The following NEB variants were observed in gnomAD, a reference collection of about 807,000 sequenced individuals.
NEB encodes the protein nemaline myopathy type 2.
NEB carries 512 observed loss-of-function variants against 952.2 expected under a neutral mutation model. That is an observed-to-expected ratio of 0.54 (90% CI 0.50 to 0.58). The LOEUF (loss-of-function observed/expected upper bound fraction) is 0.58, where lower values mean the gene tolerates loss of function less well. Among genes scored for constraint, NEB ranks in the 20% least tolerant of loss-of-function variants. The probability of loss-of-function intolerance (pLI) is 0.00; values close to 1 mark genes in which losing one functional copy is unlikely to be tolerated. For synonymous variants in NEB, 2,900 were observed against 3,149.8 expected (o/e 0.92, Z 2.66); for missense variants, 8,428 against 9,231.1 (o/e 0.91, Z 3.56).
chr2:151,644,222 T>C, intron 56 of NEB, 93 bp from the exon 57 acceptor site: 1 of 1,491,878 alleles, frequency 6.7e-7, no homozygotes, highest in South Asian at 1.3e-5. Context: ...CTAAATATTT[T>C]ACTAAGCCTA....
intron 62 of NEB, 138 bp downstream of exon 62, chr2:151,639,719 G>A: frequency 1.4e-6 from 1 of 699,892 alleles, no homozygotes; most frequent in Non-Finnish European, 2.3e-6. Context: ...TTAATAGATA[G>A]ATGAGAAGCC....
At chr2:151,512,372 G>A (rs2075221396) in intron 161 of NEB, among the ~76,000 whole-genome samples, 1 of 150,946 alleles carries the variant, frequency 6.6e-6, no homozygotes, top group Admixed American at 6.6e-5. Flanking sequence ...CTGTCACCCA[G>A]GGGACTGCAG....
chr2:151,678,976 A>G (rs1467391800), intron 32 of NEB, among the ~76,000 whole-genome samples: 3 of 152,178 alleles, frequency 2.0e-5, no homozygotes, highest in Admixed American at 6.5e-5. Flanking sequence ...GGACTCTGGG[A>G]AGTCAAAAGG....
At chr2:151,577,319 C>T (rs1418628220) in intron 105 of NEB, among the ~76,000 whole-genome samples, 3 of 152,166 alleles carry the variant, frequency 2.0e-5, no homozygotes, top group African/African-American at 7.2e-5. Context: ...GTGTCCTGAT[C>T]ACACAGCCTG....
At chr2:151,505,399 C>T in intron 165 of NEB, 79 bp downstream of exon 165, 1 of 1,214,354 alleles carries the variant, frequency 8.2e-7, no homozygotes. Context: ...TGATAGGAAG[C>T]AGAAAGATGA....
chr2:151,545,831 A>G, intron 135 of NEB, 57 bp downstream of exon 135: 1 of 1,041,172 alleles, frequency 9.6e-7, no homozygotes, highest in South Asian at 1.4e-5. Flanking sequence ...CTTGTGGAGT[A>G]ATTCAGTTTG....
At chr2:151,647,060 CA>C (rs144003002) in intron 54 of NEB, among the ~76,000 whole-genome samples, 5,119 of 152,080 alleles carry the variant, frequency 0.034, 163 homozygotes, top group African/African-American at 0.072. Context: ...TATGTCTCTT[CA>C]ACAGAAGACA....
At chr2:151,497,546 G>A (rs2061052589) in intron 171 of NEB, 80 bp downstream of exon 171, 1 of 1,521,990 alleles carries the variant, frequency 6.6e-7, no homozygotes, top group East Asian at 2.5e-5. Flanking sequence ...TAAAAAGTAG[G>A]ATTAATACGT....
intron 92 of NEB, among the ~76,000 whole-genome samples, 178 bp from the exon 93 acceptor site, chr2:151,594,496 T>C (rs1378125802): frequency 2.0e-5 from 3 of 151,400 alleles, no homozygotes; most frequent in Non-Finnish European, 2.9e-5. Flanking sequence ...TTTTAGGTCA[T>C]TTCAGAGAGG....
Position 151,710,554 on chromosome 2 carries a change from A to G in NEB, c.823-16T>C, listed in dbSNP as rs1246104415. On this transcript the variant is annotated splice_polypyrimidine_tract_variant and intron_variant, in intron 10 of 181. Coordinates refer to ENST00000397345, the MANE Select transcript of NEB (RefSeq NM_001164508.2). ...TGTATTTTTGCTAGAAAAAAGAAAAAGAAAATAAGACAAGCATAACTCATG... is the reference window on the plus strand; with the variant it reads ...TGTATTTTTGCTAGAAAAAAGAAAAGGAAAATAAGACAAGCATAACTCATG... The G allele has an allele frequency of 6.7e-7, 1 of 1,486,478 alleles. No homozygotes were observed. Among genetic ancestry groups the G allele is most frequent in the African/African-American group, 1.4e-5 (1 of 72,186 alleles). The allele number at this position is 1,486,478 out of a possible 1,614,324, so 92.1% of individuals were successfully genotyped here.
chr2:151,628,162 C>A (rs2098561554), intron 68 of NEB, among the ~76,000 whole-genome samples: 1 of 152,302 alleles, frequency 6.6e-6, no homozygotes, highest in Admixed American at 6.5e-5. Flanking sequence ...TCCGGAAGAT[C>A]TTTCGGTACT....
Position 151,636,306 on chromosome 2 carries a change from G to C in NEB, c.9023C>G (p.Ala3008Gly). 2 of 1,608,126 alleles carry C rather than the reference G, an allele frequency of 1.2e-6. No individual in the cohort carries two copies. Among genetic ancestry groups the C allele is most frequent in the Non-Finnish European group, 1.7e-6 (2 of 1,179,608 alleles). ...ESLYKLANEEAKKKGYDLRSD... is the reference protein window; with the variant it reads ...ESLYKLANEEGKKKGYDLRSD... Reference sequence around the variant, plus strand: ...TCGCAAGTCATAGCCTTTCTTCTTTGCTTCTTCATTAGCAAGTTTGTACAG... The same window carrying C: ...TCGCAAGTCATAGCCTTTCTTCTTTCCTTCTTCATTAGCAAGTTTGTACAG... The change falls in exon 64 of 182, where the codon GCA becomes GGA. Residue 3008 changes from alanine (A) to glycine (G), a missense_variant. Physicochemically the swap from Ala to Gly is moderately conservative, Grantham distance 60. Transcript: ENST00000397345.
chr2:151,546,309 G>A (rs768142910), intron 134 of NEB, 36 bp downstream of exon 134: 49 of 1,515,078 alleles, frequency 3.2e-5, no homozygotes, highest in Middle Eastern at 4.1e-4. Context: ...CCAGCTGTGC[G>A]GGGGGTAATT....
chr2:151,678,778 T>C (rs976454127), intron 32 of NEB, among the ~76,000 whole-genome samples: 12 of 151,118 alleles, frequency 7.9e-5, no homozygotes, highest in Non-Finnish European at 1.5e-4. Context: ...AGCAGAGACA[T>C]GAGGGAAGGT....
intron 144 of NEB, 81 bp from the exon 145 acceptor site, chr2:151,531,182 T>A: frequency 1.1e-6 from 1 of 895,534 alleles, no homozygotes; most frequent in Non-Finnish European, 1.8e-6. Context: ...AGTTTTTTCC[T>A]GAGTGAATAT....
intron 46 of NEB, among the ~76,000 whole-genome samples, chr2:151,659,717 C>T (rs542245348): frequency 6.6e-6 from 1 of 152,104 alleles, no homozygotes; most frequent in Non-Finnish European, 1.5e-5. Flanking sequence ...CATTTGCCTC[C>T]TAAAATTTTC....
intron 169 of NEB, 48 bp downstream of exon 169, chr2:151,499,250 T>C (rs1280236289): frequency 9.6e-7 from 1 of 1,042,168 alleles, no homozygotes; most frequent in Non-Finnish European, 1.4e-6. Context: ...CATTAATCTT[T>C]TTAAACATTT....
chr2:151,497,133 C>T, intron 171 of NEB, 100 bp from the exon 172 acceptor site: 4 of 1,414,518 alleles, frequency 2.8e-6, no homozygotes, highest in Non-Finnish European at 3.9e-6. Context: ...AGACAAAACA[C>T]AGTTGTCCAA....
At chr2:151,506,690 T>A (rs1187108808) in intron 163 of NEB, among the ~76,000 whole-genome samples, 1 of 152,214 alleles carries the variant, frequency 6.6e-6, no homozygotes, top group Admixed American at 6.5e-5. Flanking sequence ...TTAAAAAATT[T>A]AAAAATAAAA....
Sources: gnomAD v4.1 joint callset for allele counts (sites outside exome capture counted in the v4.1 genomes callset) on GRCh38, gnomAD v4.1.1 for gene constraint, MANE v1.5 for transcripts, NCBI Gene and HGNC (gene_info 2026-07-23, HGNC 2026-07-21) for gene names.